The following CNTLN variants were observed in gnomAD, a reference collection of about 807,000 sequenced individuals.
CNTLN encodes centlein, centrosomal protein.
A neutral mutation model predicts 180.0 loss-of-function variants in CNTLN; 212 were observed. That is an observed-to-expected ratio of 1.18 (90% CI 1.05 to 1.32). The LOEUF (loss-of-function observed/expected upper bound fraction) is 1.32. CNTLN is among the 40% of genes most tolerant of loss of function. The pLI is 0.00. For missense variants in CNTLN, 2,095 were observed against 1,610.9 expected (o/e 1.30, Z -5.14); for synonymous variants, 722 against 563.1 (o/e 1.28, Z -3.99).
chr9:17,143,457 T>G, intron 2 of CNTLN, 81 bp downstream of exon 2: 3 of 965,204 alleles, frequency 3.1e-6, no homozygotes, highest in Non-Finnish European at 4.9e-6. Flanking sequence ...GTACTTATCA[T>G]TAATCTCCTA....
intron 2 of CNTLN, among the ~76,000 whole-genome samples, chr9:17,185,606 T>C (rs534954635): frequency 6.6e-6 from 1 of 152,290 alleles, no homozygotes; most frequent in Admixed American, 6.5e-5. Flanking sequence ...GAATGACGGG[T>C]GGGATCTACT....
At chr9:17,166,045 G>C (rs1820048037) in intron 2 of CNTLN, among the ~76,000 whole-genome samples, 1 of 152,160 alleles carries the variant, frequency 6.6e-6, no homozygotes, top group Admixed American at 6.5e-5. Context: ...AGACATTTGA[G>C]TAAAACTTTT....
At chr9:17,186,124 G>T (rs568228503) in intron 2 of CNTLN, among the ~76,000 whole-genome samples, 1 of 152,084 alleles carries the variant, frequency 6.6e-6, no homozygotes, top group Admixed American at 6.5e-5. Flanking sequence ...ATAAGCTGAG[G>T]ATAATTTATT....
intron 2 of CNTLN, among the ~76,000 whole-genome samples, chr9:17,179,791 A>T (rs1427918034): frequency 6.6e-6 from 1 of 152,058 alleles, no homozygotes. Context: ...TTATTGATTT[A>T]TCTATTACTC....
rs576028459 is a variant in CNTLN at position 17,434,974 on chromosome 9, G to T, written c.3114+18785G>T. On this transcript the variant is annotated intron_variant, in intron 18 of 25. Coordinates refer to ENST00000380647, the MANE Select transcript of CNTLN (RefSeq NM_017738.4). ...ATTATTTCTGTCTGGCTACTTTCAA[G>T]ATTTTTTTGTCTTTCATTATTAAAA... Among the ~76,000 whole-genome samples, 5 of 152,196 alleles carry T rather than the reference G, an allele frequency of 3.3e-5. No individual in the cohort carries two copies. In the South Asian group the frequency reaches 8.3e-4, roughly 25 times the overall value.
At position 17,394,838 on chromosome 9, in the gene CNTLN, T is replaced by C. The variant is rs1826384260; in HGVS notation, c.2384T>C (p.Met795Thr). 2 of 1,613,870 alleles carry C rather than the reference T, an allele frequency of 1.2e-6. No homozygotes were observed. The change falls in exon 15 of 26, where the codon ATG (methionine) becomes ACG (threonine). Residue 795 changes from methionine to threonine, a missense_variant. Transcript: ENST00000380647. Reference sequence around the variant, plus strand: ...GAAAATGAAGAGCTGATCAACCCAATGGAGAAATCACACCAGTCAGCAGAC... The same window carrying C: ...GAAAATGAAGAGCTGATCAACCCAACGGAGAAATCACACCAGTCAGCAGAC... ...RNENEELINP[M>T]EKSHQSADRA... is the part of the protein sequence containing the mutation.
At chr9:17,157,294 G>A (rs930779194) in intron 2 of CNTLN, among the ~76,000 whole-genome samples, 1 of 152,116 alleles carries the variant, frequency 6.6e-6, no homozygotes, top group African/African-American at 2.4e-5. Context: ...TATTAGTAAT[G>A]ATTTATCTTT....
chr9:17,268,052 C>A (rs1187617230), intron 5 of CNTLN, among the ~76,000 whole-genome samples: 2 of 152,164 alleles, frequency 1.3e-5, no homozygotes, highest in African/African-American at 4.8e-5. Context: ...AAGTCATTCT[C>A]CATCCAGCTT....
At chr9:17,189,523 AC>A (rs1234813082) in intron 2 of CNTLN, among the ~76,000 whole-genome samples, 3 of 136,996 alleles carry the variant, frequency 2.2e-5, no homozygotes, top group African/African-American at 8.1e-5. Context: ...TCACTCTGTC[AC>A]CCAGGCTGGA....
At chr9:17,442,583 G>A (rs889966140) in intron 18 of CNTLN, among the ~76,000 whole-genome samples, 4 of 152,054 alleles carry the variant, frequency 2.6e-5, no homozygotes, top group Non-Finnish European at 2.9e-5. Flanking sequence ...TATTTTTGGA[G>A]AGACAAGGTT....
chr9:17,418,101 A>G (rs962771822), intron 18 of CNTLN, among the ~76,000 whole-genome samples: 1 of 151,906 alleles, frequency 6.6e-6, no homozygotes, highest in East Asian at 1.9e-4. Flanking sequence ...CTTATATTTC[A>G]TTGTTATATG....
At chr9:17,521,098 C>A in the CNTLN span, among the ~76,000 whole-genome samples, 4 of 151,968 alleles carry the variant, frequency 2.6e-5, no homozygotes, top group African/African-American at 7.3e-5. Flanking sequence ...AGACAAGGCA[C>A]GAGATAATTA....
chr9:17,351,136 T>C (rs953579262), intron 12 of CNTLN, among the ~76,000 whole-genome samples: 1 of 152,186 alleles, frequency 6.6e-6, no homozygotes, highest in African/African-American at 2.4e-5. Context: ...GCACCATCTC[T>C]TCTGGTTTTA....
At chr9:17,402,820 C>T (rs1296162887) in intron 15 of CNTLN, among the ~76,000 whole-genome samples, 2 of 151,866 alleles carry the variant, frequency 1.3e-5, no homozygotes, top group Non-Finnish European at 2.9e-5. Context: ...ACCATTAGTT[C>T]TCCTGAGTCT....
At chr9:17,384,692 T>G (rs1441644807) in intron 13 of CNTLN, among the ~76,000 whole-genome samples, 1 of 152,238 alleles carries the variant, frequency 6.6e-6, no homozygotes, top group Non-Finnish European at 1.5e-5. Flanking sequence ...ACAACAATTT[T>G]AAATTAACAC....
At chr9:17,207,146 G>A (rs1822981818) in intron 2 of CNTLN, among the ~76,000 whole-genome samples, 2 of 152,328 alleles carry the variant, frequency 1.3e-5, no homozygotes, top group South Asian at 2.1e-4. Context: ...GAGTATAAAT[G>A]TGTGTCTCTA....
chr9:17,135,292 A>G lies in CNTLN; in HGVS notation c.227A>G (p.His76Arg), dbSNP rs765119327. ...RRGPGGAAPA[H>R]APLLSAPMGS... The stretch of plus-strand genomic sequence containing the variant: ...GGGCCTGGGGGGGCAGCTCCGGCTC[A>G]TGCTCCCCTCCTCAGCGCGCCCATG... Residue 76 changes from histidine to arginine, a missense_variant, in exon 1 of 26, where the codon CAT (histidine) becomes CGT (arginine). Coordinates refer to ENST00000380647, the MANE Select transcript of CNTLN (RefSeq NM_017738.4). The G allele has an allele frequency of 4.4e-6, 7 of 1,600,952 alleles. No homozygotes were observed. The East Asian group carries it at 1.1e-4, about 26-fold the overall frequency.
chr9:17,475,060 T>A (rs1832257966), intron 23 of CNTLN, among the ~76,000 whole-genome samples: 1 of 152,184 alleles, frequency 6.6e-6, no homozygotes, highest in East Asian at 1.9e-4. Context: ...TCTTTCTGAC[T>A]GACTTTCTTG....
At chr9:17,402,267 A>G (rs1427543549) in intron 15 of CNTLN, among the ~76,000 whole-genome samples, 1 of 151,906 alleles carries the variant, frequency 6.6e-6, no homozygotes, top group African/African-American at 2.4e-5. Context: ...CCAAAATCTC[A>G]AGGATAGCAT....
Sources: allele counts gnomAD v4.1 joint callset (sites outside exome capture counted in the v4.1 genomes callset), GRCh38; gene constraint gnomAD v4.1.1; transcripts MANE v1.5; gene names NCBI Gene and HGNC (gene_info 2026-07-23, HGNC 2026-07-21).